The following NBEAL2 variants were observed in gnomAD, a reference collection of about 807,000 sequenced individuals.
NBEAL2 encodes neurobeachin-like protein 2.
A neutral mutation model predicts 299.8 loss-of-function variants in NBEAL2; 160 were observed. The observed-to-expected ratio is 0.53, with a 90% CI of 0.47 to 0.61. The LOEUF (loss-of-function observed/expected upper bound fraction) is 0.61, where lower values mean the gene tolerates loss of function less well. NBEAL2 is among the 20% of genes least tolerant of loss of function. NBEAL2 has a pLI of 0.00. For missense variants in NBEAL2, 3,112 were observed against 3,649.0 expected (o/e 0.85, Z 3.79); for synonymous variants, 1,493 against 1,542.3 (o/e 0.97, Z 0.75).
Position 47,005,104 on chromosome 3 carries a change from T to C in NBEAL2, c.6419+8T>C. ...CCAGCTCGTGAGGGAGAAGTGAGCA[T>C]GTGGGCAGGGCTGGGCTCAGCGGGT... On this transcript the variant is annotated splice_region_variant and intron_variant, in intron 39 of 53. Coordinates refer to ENST00000450053, the MANE Select transcript of NBEAL2 (RefSeq NM_015175.3). 3 of 1,613,794 alleles carry C rather than the reference T, an allele frequency of 1.9e-6. No homozygotes were observed. The highest frequency in any genetic ancestry group is 1.7e-6 in the Non-Finnish European group (2 of 1,179,866).
chr3:46,980,937 A>T (rs1285379738), intron 1 of NBEAL2, among the ~76,000 whole-genome samples: 1 of 152,174 alleles, frequency 6.6e-6, no homozygotes, highest in Non-Finnish European at 1.5e-5. Flanking sequence ...AGTGGGGGGA[A>T]TTCATGCTCA....
At position 47,004,820 on chromosome 3, in the gene NBEAL2, ACT is replaced by A. The variant is rs1553666911; in HGVS notation, c.6295-149_6295-148del. On this transcript the variant is annotated intron_variant, in intron 38 of 53. Transcript: ENST00000450053. This position sits in a 1 kb window ranked among gnomAD's most constrained non-coding sequence, Gnocchi z 5.0. ...CTCAAAAGGAATCCTGTTCCAGGAC[ACT>A]CTGTCCTTCTCCCCTGTGACCCCTC... is the stretch of plus-strand genomic sequence containing the variant. 8.2e-7 allele frequency: 1 copy of A among 1,216,800 alleles called. No homozygotes were observed. The highest frequency in any genetic ancestry group is 1.1e-6 in the Non-Finnish European group (1 of 871,336). 75.4% of individuals were successfully genotyped at this position (1,216,800 alleles called of 1,614,324 possible).
rs1168111767 is a variant in NBEAL2, at chr3:47,008,164, A to T, written c.7697A>T (p.Asp2566Val). ...VSCVAISTELDMAVSGSEDGT... is the reference protein window; with the variant it reads ...VSCVAISTELVMAVSGSEDGT... ...TGTGTGGCCATCAGCACTGAACTTG[A>T]CATGGCTGTGTCTGGATCTGAGGTG... is the stretch of plus-strand genomic sequence containing the variant. The change falls in exon 50 of 54, where the codon GAC becomes GTC. Residue 2566 changes from aspartate to valine, a missense_variant. Physicochemically the swap from Asp to Val is radical, Grantham distance 152. This residue lies in a region of NBEAL2 where 348 missense variants were observed against 381.4 expected (regional missense o/e 0.91). Coordinates refer to ENST00000450053, the MANE Select transcript of NBEAL2 (RefSeq NM_015175.3). 1 of 1,613,822 alleles carries T rather than the reference A, an allele frequency of 6.2e-7. No individual in the cohort carries two copies. The highest frequency in any genetic ancestry group is 8.5e-7 in the Non-Finnish European group (1 of 1,179,878).
chr3:46,991,887 G>A lies in NBEAL2; in HGVS notation c.973G>A (p.Ala325Thr). The change falls in exon 9 of 54, where the codon GCC becomes ACC. Residue 325 changes from alanine to threonine, a missense_variant. Around this residue, in one of 3 missense-constraint regions of NBEAL2, gnomAD observed 2,243 missense variants for 2,538.1 expected, o/e 0.88. Transcript: ENST00000450053. The surrounding 1 kb of genome is among the most constrained non-coding windows in gnomAD (Gnocchi z 6.2). ...LACEDRPVLQ[A>T]TFLSNNCFEH... ...ATGTGAAGACCGGCCAGTGCTGCAA[G>A]CCACCTTCCTCAGCAACAATTGCTT... 1 of 1,604,214 alleles carries A rather than the reference G, an allele frequency of 6.2e-7. No individual in the cohort carries two copies. The highest frequency in any genetic ancestry group is 8.5e-7 in the Non-Finnish European group (1 of 1,175,530).
At position 46,995,598 on chromosome 3, in the gene NBEAL2, C is replaced by G; in HGVS notation, c.1863C>G (p.Ala621=). ...CTATGGATACAGCACCTACCCCTGC[C>G]CCCACCCGACCACTCCAGCGAAAGC... The part of the protein sequence containing the change: ...LHPMDTAPTP[A]PTRPLQRKQL... Residue 621 remains alanine, a synonymous_variant, in exon 13 of 54, where the codon GCC becomes GCG. Coordinates refer to ENST00000450053, the MANE Select transcript of NBEAL2 (RefSeq NM_015175.3). The G allele has an allele frequency of 2.5e-6, 4 of 1,612,150 alleles. No homozygotes were observed. Among genetic ancestry groups the G allele is most frequent in the Non-Finnish European group, 3.4e-6 (4 of 1,179,374 alleles).
rs1302275277 is a variant in NBEAL2, at chr3:47,004,482, C to T, written c.6199-13C>T. 6.2e-7 allele frequency: 1 copy of T among 1,612,254 alleles called. No individual in the cohort carries two copies. Among genetic ancestry groups the T allele is most frequent in the Non-Finnish European group, 8.5e-7 (1 of 1,178,718 alleles). On this transcript the variant is annotated splice_polypyrimidine_tract_variant and intron_variant, in intron 37 of 53. Transcript: ENST00000450053. The surrounding 1 kb of genome is among the most constrained non-coding windows in gnomAD (Gnocchi z 5.0). ...GCCCACCTGGCTCACATCTTGTCTG[C>T]CCCTGTCCCCAGAAATGGGTACAGC...
At chr3:46,987,099 A>G (rs2035719898) in intron 1 of NBEAL2, among the ~76,000 whole-genome samples, 2 of 152,244 alleles carry the variant, frequency 1.3e-5, no homozygotes, top group African/African-American at 2.4e-5. Flanking sequence ...GAGTTCCCCA[A>G]TCACAGGGTG....
rs778399742 is a variant in NBEAL2 at position 46,982,492 on chromosome 3, G to A, written c.51+2580G>A. Among the ~76,000 whole-genome samples, 14 of 152,190 alleles carry A rather than the reference G, an allele frequency of 9.2e-5. No homozygotes were observed. The highest frequency in any genetic ancestry group is 1.5e-4 in the Non-Finnish European group (10 of 68,032). ...TGGGGGCCTCATAGTGAGGGAGGGG[G>A]CTGTGGGTGGCTGCTGAGGGAAGAG... On this transcript the variant is annotated intron_variant, in intron 1 of 53. Transcript: ENST00000450053. This position sits in a 1 kb window ranked among gnomAD's most constrained non-coding sequence, Gnocchi z 4.2.
chr3:47,004,805 A>T lies in NBEAL2; in HGVS notation c.6295-167A>T. 1 of 1,161,920 alleles carries T rather than the reference A, an allele frequency of 8.6e-7. No individual in the cohort carries two copies. Among genetic ancestry groups the T allele is most frequent in the East Asian group, 2.6e-5 (1 of 38,908 alleles). The allele number at this position is 1,161,920 out of a possible 1,614,324, so 72.0% of individuals were successfully genotyped here. A position where few individuals can be genotyped will look rare whatever the true frequency, so the allele number is the denominator to read the frequency against. ...GCCTAGCCTCTATTCCTCAAAAGGA[A>T]TCCTGTTCCAGGACACTCTGTCCTT... On this transcript the variant is annotated intron_variant, in intron 38 of 53. Coordinates refer to ENST00000450053, the MANE Select transcript of NBEAL2 (RefSeq NM_015175.3). The surrounding 1 kb of genome is among the most constrained non-coding windows in gnomAD (Gnocchi z 5.0).
chr3:46,994,398 G>A (rs144138451), intron 11 of NBEAL2, 57 bp from the exon 12 acceptor site: 2 of 1,477,470 alleles, frequency 1.4e-6, no homozygotes, highest in Non-Finnish European at 1.8e-6. Context: ...CAGGGGGTCT[G>A]AGTTTGCCCT....
intron 1 of NBEAL2, among the ~76,000 whole-genome samples, chr3:46,980,170 G>A (rs2035220946): frequency 6.6e-6 from 1 of 152,208 alleles, no homozygotes; most frequent in South Asian, 2.1e-4. Flanking sequence ...GCAGGACCGT[G>A]CAGCCTGAGT....
chr3:46,995,919 G>T lies in NBEAL2; in HGVS notation c.2032-13G>T. The stretch of plus-strand genomic sequence containing the variant: ...AGTCCCAAGTATGGCCTAATGTGAG[G>T]CTTCTGTTCTAGCACTGCGTGGCTA... On this transcript the variant is annotated splice_polypyrimidine_tract_variant and intron_variant, in intron 14 of 53. Coordinates refer to ENST00000450053, the MANE Select transcript of NBEAL2 (RefSeq NM_015175.3). 1.9e-6 allele frequency: 3 copies of T among 1,613,106 alleles called. No homozygotes were observed. Among genetic ancestry groups the T allele is most frequent in the South Asian group, 1.1e-5 (1 of 91,048 alleles).
In NBEAL2 at chr3:47,004,372, G is replaced by A. The variant is rs1428687235; in HGVS notation, c.6177G>A (p.Leu2059=). 1 of 1,595,994 alleles carries A rather than the reference G, an allele frequency of 6.3e-7. No homozygotes were observed. Among genetic ancestry groups the A allele is most frequent in the Non-Finnish European group, 8.6e-7 (1 of 1,169,380 alleles). Residue 2059 remains leucine (L), a synonymous_variant, in exon 37 of 54, where the codon CTG becomes CTA. Transcript: ENST00000450053. The surrounding 1 kb of genome is among the most constrained non-coding windows in gnomAD (Gnocchi z 5.0). The part of the protein sequence containing the change: ...YLSSRSPQEM[L]RASGLTQKWV... ...GCAGCCGCTCCCCCCAGGAGATGCTGCGTGCCTCAGGCCTTACCCAGGTGA... is the reference window on the plus strand; with the variant it reads ...GCAGCCGCTCCCCCCAGGAGATGCTACGTGCCTCAGGCCTTACCCAGGTGA...
rs376875516 is a variant in NBEAL2, at chr3:47,007,549, G to A, written c.7359G>A (p.Pro2453=). Residue 2453 remains proline (P), a synonymous_variant, in exon 48 of 54, where the codon CCG becomes CCA. Transcript: ENST00000450053. ...GGACGCAGCGACTGCTGAGTGGCCC[G>A]TGGGTGCCAGGCAGTGGTGTGAGTG... ...SHKTQRLLSG[P]WVPGSGVSGQ... 4.8e-5 allele frequency: 77 copies of A among 1,612,310 alleles called. 1 individual carries two copies. The African/African-American group carries it at 8.0e-4, about 17-fold the overall frequency.
chr3:47,009,371 G>A lies in NBEAL2; in HGVS notation c.*51G>A. 1 of 1,524,396 alleles carries A rather than the reference G, an allele frequency of 6.6e-7. No individual in the cohort carries two copies. The highest frequency in any genetic ancestry group is 1.2e-5 in the South Asian group (1 of 83,006). 94.4% of individuals were successfully genotyped at this position (1,524,396 alleles called of 1,614,324 possible). A position where few individuals can be genotyped will look rare whatever the true frequency, so the allele number is the denominator to read the frequency against. On this transcript the variant is annotated 3_prime_UTR_variant, in exon 54 of 54. Transcript: ENST00000450053. ...CCCGCCCCCGGCAGGCCTGGCCCGG[G>A]AGGCCCCGCCCAGAAGTCGGCGGGA...
chr3:47,004,513 A>T lies in NBEAL2; in HGVS notation c.6217A>T (p.Ile2073Leu). Residue 2073 changes from isoleucine to leucine, a missense_variant, in exon 38 of 54, where the codon ATA (isoleucine) becomes TTA (leucine). This residue lies in a region of NBEAL2 where 521 missense variants were observed against 729.6 expected (regional missense o/e 0.71). Coordinates refer to ENST00000450053, the MANE Select transcript of NBEAL2 (RefSeq NM_015175.3). The surrounding 1 kb of genome is among the most constrained non-coding windows in gnomAD (Gnocchi z 5.0). ...TCCCCAGAAATGGGTACAGCGTGAG[A>T]TATCCAACTTCGAGTACTTGATGCA... The part of the protein sequence containing the change: ...GLTQKWVQRE[I>L]SNFEYLMQLN... 1 of 1,613,782 alleles carries T rather than the reference A, an allele frequency of 6.2e-7. No homozygotes were observed. The highest frequency in any genetic ancestry group is 1.1e-5 in the South Asian group (1 of 91,082).
rs1351818519 is a variant in NBEAL2 at position 47,001,773 on chromosome 3, G to A, written c.4729G>A (p.Ala1577Thr). The change falls in exon 30 of 54, where the codon GCG becomes ACG. Residue 1577 changes from alanine to threonine, a missense_variant. By Grantham distance (58) the Ala-to-Thr change is moderately conservative. Transcript: ENST00000450053. The surrounding 1 kb of genome is among the most constrained non-coding windows in gnomAD (Gnocchi z 6.1). Reference sequence around the variant, plus strand: ...CGGCACAGCTGATCTCCGTGAGATGGCGCAGATTGGCCTACGGCTTGTACT... The same window carrying A: ...CGGCACAGCTGATCTCCGTGAGATGACGCAGATTGGCCTACGGCTTGTACT... ...ANGTADLREMAQIGLRLVLGY... is the reference protein window; with the variant it reads ...ANGTADLREMTQIGLRLVLGY... 1.2e-6 allele frequency: 2 copies of A among 1,613,816 alleles called. No homozygotes were observed. The highest frequency in any genetic ancestry group is 1.7e-6 in the Non-Finnish European group (2 of 1,179,906).
Position 46,999,089 on chromosome 3 carries a change from T to G in NBEAL2, c.3515T>G (p.Leu1172Arg). 4 of 1,586,074 alleles carry G rather than the reference T, an allele frequency of 2.5e-6. No individual in the cohort carries two copies. The highest frequency in any genetic ancestry group is 3.4e-6 in the Non-Finnish European group (4 of 1,166,690). Residue 1172 changes from leucine to arginine, a missense_variant, in exon 24 of 54, where the codon CTG becomes CGG. Transcript: ENST00000450053. ...LLALLVRPGS[L>R]PLLPDRVCKI... ...GCCCTGCTAGTGCGGCCAGGGTCAC[T>G]GCCCCTGCTGCCCGATCGAGTCTGC... is the stretch of plus-strand genomic sequence containing the variant.
chr3:47,001,311 C>G lies in NBEAL2; in HGVS notation c.4517C>G (p.Thr1506Ser), dbSNP rs1239057931. The change falls in exon 29 of 54, where the codon ACC (threonine) becomes AGC (serine). Residue 1506 changes from threonine to serine, a missense_variant. Physicochemically the swap from Thr to Ser is moderately conservative, Grantham distance 58. Coordinates refer to ENST00000450053, the MANE Select transcript of NBEAL2 (RefSeq NM_015175.3). The surrounding 1 kb of genome is among the most constrained non-coding windows in gnomAD (Gnocchi z 6.1). ...LLEMMLESAL[T>S]DIKEAPVGVL... The stretch of plus-strand genomic sequence containing the variant: ...GAGATGATGCTGGAGTCAGCCCTGA[C>G]CGACATCAAAGAGGCCCCCGTGGGG... The G allele has an allele frequency of 6.2e-7, 1 of 1,612,600 alleles. No individual in the cohort carries two copies. Among genetic ancestry groups the G allele is most frequent in the African/African-American group, 1.3e-5 (1 of 74,926 alleles).
Sources: gnomAD v4.1 joint callset for allele counts (sites outside exome capture counted in the v4.1 genomes callset) on GRCh38, gnomAD v4.1.1 for gene constraint, gnomAD v4.1.1 regional missense constraint, Gnocchi (gnomAD v3.1) non-coding constraint, MANE v1.5 for transcripts, NCBI Gene and HGNC (gene_info 2026-07-23, HGNC 2026-07-21) for gene names.